PTPRK: variants seen among roughly 807,000 people sequenced by gnomAD.
PTPRK encodes protein tyrosine phosphatase receptor type K, also known as receptor-type tyrosine-protein phosphatase kappa.
In PTPRK, 75 loss-of-function variants were observed where a neutral mutation model predicts 178.0. The ratio of observed to expected loss-of-function variants is 0.42; its 90% CI spans 0.35 to 0.51. The LOEUF is 0.51. Ranked by LOEUF, PTPRK falls within the 20% of genes least tolerant of loss-of-function variation. The pLI is 0.02. For synonymous variants in PTPRK, 637 were observed against 620.6 expected, an observed-to-expected ratio of 1.03 and a Z score of -0.39; for missense variants, 1,441 against 1,797.8, an observed-to-expected ratio of 0.80 and a Z score of 3.59.
At chr6:128,405,301 T>C (rs1398715974) in intron 1 of PTPRK, among the ~76,000 whole-genome samples, 2 of 152,206 alleles carry the variant, frequency 1.3e-5, no homozygotes, top group Non-Finnish European at 2.9e-5. Context: ...GTGAATTTTC[T>C]ATCTTTGAAA....
At chr6:128,292,291 T>C (rs1823509036) in intron 3 of PTPRK, among the ~76,000 whole-genome samples, 1 of 152,096 alleles carries the variant, frequency 6.6e-6, no homozygotes, top group African/African-American at 2.4e-5. Flanking sequence ...TCATGGAAAT[T>C]ATGCCATATA....
chr6:128,433,834 T>A (rs1204101176), intron 1 of PTPRK, among the ~76,000 whole-genome samples: 1 of 150,908 alleles, frequency 6.6e-6, no homozygotes, highest in Non-Finnish European at 1.5e-5. Flanking sequence ...CTGTTTTTTT[T>A]TTTTTTTTAC....
chr6:128,495,078 T>A (rs936192381), intron 1 of PTPRK, among the ~76,000 whole-genome samples: 2 of 152,218 alleles, frequency 1.3e-5, no homozygotes, highest in African/African-American at 4.8e-5. Context: ...TTATTATACA[T>A]CAACTCTGTG....
At chr6:128,166,318 A>C (rs77595436) in intron 7 of PTPRK, among the ~76,000 whole-genome samples, 3,316 of 151,690 alleles carry the variant, frequency 0.022, 99 homozygotes, top group African/African-American at 0.046. Context: ...TATCCCCTTA[A>C]AAATGTTTAT....
intron 15 of PTPRK, chr6:128,000,213 T>C: frequency 1.8e-6 from 2 of 1,102,830 alleles, no homozygotes; most frequent in Non-Finnish European, 2.3e-6. Flanking sequence ...AGAATGATAT[T>C]TAATTAACAG....
intron 3 of PTPRK, among the ~76,000 whole-genome samples, chr6:128,298,551 A>C (rs1409235047): frequency 1.3e-5 from 2 of 152,182 alleles, no homozygotes; most frequent in African/African-American, 4.8e-5. Context: ...CCTGGGATGC[A>C]AGGCTGGTTC....
intron 10 of PTPRK, among the ~76,000 whole-genome samples, chr6:128,080,676 C>T (rs570528056): frequency 7.2e-5 from 11 of 152,080 alleles, no homozygotes; most frequent in African/African-American, 2.6e-4. Flanking sequence ...CCTGCAATAA[C>T]TTGATTTCAC....
At chr6:128,070,452 C>T (rs1379210861) in intron 11 of PTPRK, among the ~76,000 whole-genome samples, 1 of 152,036 alleles carries the variant, frequency 6.6e-6, no homozygotes, top group South Asian at 2.1e-4. Flanking sequence ...GGATCTTGGA[C>T]TTCCCAGTCT....
chr6:128,200,614 G>A (rs950340758), intron 6 of PTPRK, among the ~76,000 whole-genome samples: 1 of 151,480 alleles, frequency 6.6e-6, no homozygotes, highest in Non-Finnish European at 1.5e-5. Flanking sequence ...CTCAGCTATC[G>A]TCTTAGCTAC....
intron 1 of PTPRK, among the ~76,000 whole-genome samples, chr6:128,480,649 T>A (rs943438546): frequency 6.6e-6 from 1 of 152,160 alleles, no homozygotes; most frequent in Non-Finnish European, 1.5e-5. Flanking sequence ...ACAGAGCAGT[T>A]TAACACCCTC....
chr6:128,408,147 A>C (rs1584570575), intron 1 of PTPRK, among the ~76,000 whole-genome samples: 1 of 152,124 alleles, frequency 6.6e-6, no homozygotes, highest in Non-Finnish European at 1.5e-5. Context: ...CAGCACTTTG[A>C]GAGGCCAAGG....
At chr6:128,223,481 T>C (rs1433388796) in intron 5 of PTPRK, among the ~76,000 whole-genome samples, 2 of 152,048 alleles carry the variant, frequency 1.3e-5, no homozygotes, top group Admixed American at 6.6e-5. Flanking sequence ...CAAGCTGATA[T>C]ATTACATGAT....
chr6:128,196,094 T>C (rs1804808865), intron 6 of PTPRK, among the ~76,000 whole-genome samples: 1 of 152,122 alleles, frequency 6.6e-6, no homozygotes, highest in African/African-American at 2.4e-5. Context: ...GACAGGTTAT[T>C]ACGTACTTCT....
intron 10 of PTPRK, among the ~76,000 whole-genome samples, chr6:128,081,351 T>A (rs1582905442): frequency 6.6e-6 from 1 of 152,006 alleles, no homozygotes; most frequent in East Asian, 1.9e-4. Context: ...AATCAAATGC[T>A]CTTCCAAGGA....
At chr6:128,445,141 G>C (rs1249808160) in intron 1 of PTPRK, among the ~76,000 whole-genome samples, 1 of 141,114 alleles carries the variant, frequency 7.1e-6, no homozygotes, top group Non-Finnish European at 1.6e-5. Flanking sequence ...GAAAGCTTGA[G>C]CCCAGGAGTT....
At chr6:128,004,937 C>A in intron 15 of PTPRK, 147 bp downstream of exon 15, 1 of 672,560 alleles carries the variant, frequency 1.5e-6, no homozygotes, top group Non-Finnish European at 2.4e-6. Flanking sequence ...CTTGTAAATT[C>A]CATAATATTC....
At chr6:128,247,500 G>A (rs1027752605) in intron 3 of PTPRK, among the ~76,000 whole-genome samples, 7 of 151,652 alleles carry the variant, frequency 4.6e-5, no homozygotes, top group Non-Finnish European at 7.4e-5. Flanking sequence ...TTGTATTTTT[G>A]TAGAGACGGG....
chr6:128,106,782 G>A (rs907431289), intron 7 of PTPRK, among the ~76,000 whole-genome samples: 6 of 152,006 alleles, frequency 3.9e-5, no homozygotes, highest in South Asian at 2.1e-4. Flanking sequence ...AAGTTTAGTC[G>A]TTTATTTATC....
chr6:128,082,119 CATA>C (rs1478081708), intron 10 of PTPRK, among the ~76,000 whole-genome samples: 3 of 151,804 alleles, frequency 2.0e-5, no homozygotes, highest in Non-Finnish European at 2.9e-5. Flanking sequence ...GGTCTGACAC[CATA>C]ATAATTATCA....
Sources: allele counts gnomAD v4.1 joint callset (sites outside exome capture counted in the v4.1 genomes callset), GRCh38; gene constraint gnomAD v4.1.1; transcripts MANE v1.5; gene names NCBI Gene and HGNC (gene_info 2026-07-23, HGNC 2026-07-21).